Variants in FAM171B observed in about 807,000 individuals in gnomAD.
FAM171B encodes protein FAM171B.
In FAM171B, 19 loss-of-function variants were observed where a neutral mutation model predicts 75.6. That is an observed-to-expected ratio of 0.25 (90% CI 0.18 to 0.37). FAM171B has a LOEUF of 0.37. Ranked by LOEUF, FAM171B falls within the 10% of genes least tolerant of loss-of-function variation. The pLI is 1.00. For synonymous variants in FAM171B, 367 were observed against 361.7 expected (o/e 1.01, Z -0.17); for missense variants, 848 against 982.4 (o/e 0.86, Z 1.83).
chr2:186,694,805 T>A (rs545221587), intron 1 of FAM171B, among the ~76,000 whole-genome samples: 29 of 147,108 alleles, frequency 2.0e-4, no homozygotes, highest in Middle Eastern at 6.9e-3. Context: ...CGTTCTTAAA[T>A]CCCTTAAACA....
intron 1 of FAM171B, among the ~76,000 whole-genome samples, chr2:186,716,714 A>T (rs2105777180): frequency 6.6e-6 from 1 of 152,316 alleles, no homozygotes; most frequent in South Asian, 2.1e-4. Context: ...GGAATTGCTG[A>T]ATTATATGGT....
At chr2:186,738,442 G>A (rs1206576647) in intron 1 of FAM171B, among the ~76,000 whole-genome samples, 1 of 152,024 alleles carries the variant, frequency 6.6e-6, no homozygotes, top group African/African-American at 2.4e-5. Flanking sequence ...GAGTTTTTGT[G>A]GGCTTAGAAT....
intron 1 of FAM171B, among the ~76,000 whole-genome samples, chr2:186,725,700 A>G (rs1278849017): frequency 1.3e-5 from 2 of 152,230 alleles, no homozygotes; most frequent in African/African-American, 2.4e-5. Flanking sequence ...ACTTAAAATT[A>G]TCTTGAGCTT....
intron 4 of FAM171B, among the ~76,000 whole-genome samples, chr2:186,749,718 C>T (rs1419523675): frequency 6.6e-6 from 1 of 152,126 alleles, no homozygotes; most frequent in African/African-American, 2.4e-5. Flanking sequence ...GCCCTCTAGC[C>T]CTGTGGCCAC....
At chr2:186,699,240 A>G (rs971389120) in intron 1 of FAM171B, among the ~76,000 whole-genome samples, 8 of 152,112 alleles carry the variant, frequency 5.3e-5, no homozygotes, top group African/African-American at 1.9e-4. Flanking sequence ...TTACATTCCC[A>G]CCAGTGGTGT....
At position 186,764,382 on chromosome 2, in the gene FAM171B, C is replaced by T. The variant is rs571889073; in HGVS notation, c.*1559C>T. ...TACTGTTCTGTGTTAACTGAAAGAACATAAAGACCCTAGGCAAATATTTGC... is the reference window on the plus strand; with the variant it reads ...TACTGTTCTGTGTTAACTGAAAGAATATAAAGACCCTAGGCAAATATTTGC... On this transcript the variant is annotated 3_prime_UTR_variant, in exon 8 of 8. Transcript: ENST00000304698. 2.8e-5 allele frequency: 4 copies of T among 144,696 alleles called. No homozygotes were observed. Among genetic ancestry groups the T allele is most frequent in the Non-Finnish European group, 6.0e-5 (4 of 66,116 alleles). The allele number at this position is 144,696 out of a possible 1,614,324, so 9.0% of individuals were successfully genotyped here. A position where few individuals can be genotyped will look rare whatever the true frequency, so the allele number is the denominator to read the frequency against.
At chr2:186,696,599 C>T (rs1689584889) in intron 1 of FAM171B, among the ~76,000 whole-genome samples, 1 of 149,564 alleles carries the variant, frequency 6.7e-6, no homozygotes, top group Non-Finnish European at 1.5e-5. Flanking sequence ...CCTCCCGTCT[C>T]CTTTAGCCCT....
chr2:186,763,563 A>T lies in FAM171B; in HGVS notation c.*740A>T, dbSNP rs1690655316. ...TAAAAATTATTTTTTCTTCCCCTCA[A>T]CAATGAAGCAAGCTTAGCTGTCAAG... On this transcript the variant is annotated 3_prime_UTR_variant, in exon 8 of 8. Transcript: ENST00000304698. 6.6e-6 allele frequency: 1 copy of T among 152,074 alleles called. No homozygotes were observed. The highest frequency in any genetic ancestry group is 1.5e-5 in the Non-Finnish European group (1 of 67,978). 9.4% of individuals were successfully genotyped at this position (152,074 alleles called of 1,614,324 possible).
chr2:186,705,087 A>G (rs1689716435), intron 1 of FAM171B, among the ~76,000 whole-genome samples: 1 of 152,234 alleles, frequency 6.6e-6, no homozygotes, highest in East Asian at 1.9e-4. Flanking sequence ...TGATTAAACC[A>G]TCAGTGTTAC....
At chr2:186,710,657 C>T (rs904120416) in intron 1 of FAM171B, among the ~76,000 whole-genome samples, 2 of 152,124 alleles carry the variant, frequency 1.3e-5, no homozygotes, top group Non-Finnish European at 2.9e-5. Flanking sequence ...AAACCATACC[C>T]TTGCTGCATC....
chr2:186,701,474 T>G (rs946810383), intron 1 of FAM171B, among the ~76,000 whole-genome samples: 1 of 152,196 alleles, frequency 6.6e-6, no homozygotes, highest in African/African-American at 2.4e-5. Context: ...TCTGCTACTT[T>G]GTACTTTTTG....
In FAM171B at chr2:186,764,116, A is replaced by C. The variant is rs1305647552; in HGVS notation, c.*1293A>C. The C allele has an allele frequency of 6.6e-6, 1 of 152,064 alleles. No homozygotes were observed. The highest frequency in any genetic ancestry group is 2.4e-5 in the African/African-American group (1 of 41,442). The allele number at this position is 152,064 out of a possible 1,614,324, so 9.4% of individuals were successfully genotyped here. On this transcript the variant is annotated 3_prime_UTR_variant, in exon 8 of 8. Transcript: ENST00000304698. ...AAAAGCTCGTTATTCATTAAAATCAACTGATCCCATTTTTCTTAAAATTTC... is the reference window on the plus strand; with the variant it reads ...AAAAGCTCGTTATTCATTAAAATCACCTGATCCCATTTTTCTTAAAATTTC...
chr2:186,701,470 A>G (rs1414627965), intron 1 of FAM171B, among the ~76,000 whole-genome samples: 1 of 152,136 alleles, frequency 6.6e-6, no homozygotes, highest in African/African-American at 2.4e-5. Flanking sequence ...CATATCTGCT[A>G]CTTTGTACTT....
chr2:186,709,371 A>G (rs568288075), intron 1 of FAM171B, among the ~76,000 whole-genome samples: 2 of 152,304 alleles, frequency 1.3e-5, no homozygotes, highest in African/African-American at 4.8e-5. Flanking sequence ...AAAAATAAAT[A>G]TAGCTTCTTC....
chr2:186,745,931 G>C (rs1478601785), intron 3 of FAM171B, among the ~76,000 whole-genome samples: 1 of 152,116 alleles, frequency 6.6e-6, no homozygotes, highest in Non-Finnish European at 1.5e-5. Context: ...TGTTTTCCAG[G>C]TATTATTTTT....
At chr2:186,723,718 G>T (rs1379072180) in intron 1 of FAM171B, among the ~76,000 whole-genome samples, 1 of 152,154 alleles carries the variant, frequency 6.6e-6, no homozygotes, top group Non-Finnish European at 1.5e-5. Context: ...TAAAGAATTT[G>T]TACTTTGCTT....
intron 1 of FAM171B, among the ~76,000 whole-genome samples, chr2:186,703,623 G>A (rs184106554): frequency 2.6e-5 from 4 of 152,330 alleles, no homozygotes; most frequent in Admixed American, 2.6e-4. Flanking sequence ...AGCGACAGCA[G>A]ATGTCCTGGA....
intron 1 of FAM171B, among the ~76,000 whole-genome samples, chr2:186,735,321 C>T (rs1205327065): frequency 6.6e-6 from 1 of 152,196 alleles, no homozygotes; most frequent in Non-Finnish European, 1.5e-5. Context: ...AGCTGAGTTG[C>T]TTCTGGGTGC....
intron 1 of FAM171B, among the ~76,000 whole-genome samples, chr2:186,704,659 C>T (rs547014841): frequency 6.6e-6 from 1 of 152,258 alleles, no homozygotes; most frequent in South Asian, 2.1e-4. Flanking sequence ...AAGGGTTGAG[C>T]TTGTTCATAA....
Sources: gnomAD v4.1 joint callset for allele counts (sites outside exome capture counted in the v4.1 genomes callset) on GRCh38, gnomAD v4.1.1 for gene constraint, MANE v1.5 for transcripts, NCBI Gene and HGNC (gene_info 2026-07-23, HGNC 2026-07-21) for gene names.